The following LUC7L2 variants were observed in gnomAD, a reference collection of about 807,000 sequenced individuals.
LUC7L2 encodes putative RNA-binding protein Luc7-like 2.
LUC7L2 carries 25 observed loss-of-function variants against 52.8 expected under a neutral mutation model. The observed-to-expected ratio is 0.47, with a 90% CI of 0.34 to 0.66. The LOEUF is 0.66. Ranked by LOEUF, LUC7L2 falls within the 30% of genes least tolerant of loss-of-function variation. The pLI, the probability that LUC7L2 is intolerant of heterozygous loss-of-function variation, is 0.01. For missense variants in LUC7L2, 328 were observed against 497.8 expected (o/e 0.66, Z 3.25); for synonymous variants, 144 against 160.9 (o/e 0.89, Z 0.80).
chr7:139,417,381 T>G (rs963017394), intron 8 of LUC7L2, 157 bp from the exon 9 acceptor site: 3 of 959,136 alleles, frequency 3.1e-6, no homozygotes, highest in Non-Finnish European at 4.5e-6. Flanking sequence ...AGTATGTAGT[T>G]ATTAACACAC....
chr7:139,363,256 C>T, intron 1 of LUC7L2: 7 of 985,130 alleles, frequency 7.1e-6, no homozygotes, highest in Non-Finnish European at 8.4e-6. Context: ...AAGCAGGGTA[C>T]CGCGTGAGTT....
In LUC7L2 at chr7:139,422,489, AC is replaced by A. The variant is rs1585145453; in HGVS notation, c.*151del. Reference sequence around the variant, plus strand: ...CAGTATCTAACTTGATCTGAACTGAACCTGTTTTCCTTGATGATGCCTAAAA... The same window carrying A: ...CAGTATCTAACTTGATCTGAACTGAACTGTTTTCCTTGATGATGCCTAAAA... On this transcript the variant is annotated 3_prime_UTR_variant, in exon 10 of 10. Coordinates refer to ENST00000354926, the MANE Select transcript of LUC7L2 (RefSeq NM_016019.5). 10 of 1,342,764 alleles carry A rather than the reference AC, an allele frequency of 7.4e-6. No individual in the cohort carries two copies. In the East Asian group the frequency reaches 2.7e-4, roughly 36 times the overall value. The allele number at this position is 1,342,764 out of a possible 1,614,324, so 83.2% of individuals were successfully genotyped here. A position where few individuals can be genotyped will look rare whatever the true frequency, so the allele number is the denominator to read the frequency against.
chr7:139,359,556 G>T (rs1204952895), upstream of LUC7L2: 5 of 335,488 alleles, frequency 1.5e-5, no homozygotes, highest in Admixed American at 4.9e-5. Flanking sequence ...GATGGGCATG[G>T]TCTCTACTTA....
At chr7:139,409,526 T>C in intron 6 of LUC7L2, 37 bp from the exon 7 acceptor site, 1 of 1,573,680 alleles carries the variant, frequency 6.4e-7, no homozygotes, top group Non-Finnish European at 8.6e-7. Context: ...AAGAATGGAC[T>C]CAGTAAATAT....
At chr7:139,384,353 CCT>C (rs1165835233) in intron 2 of LUC7L2, among the ~76,000 whole-genome samples, 3 of 151,340 alleles carry the variant, frequency 2.0e-5, no homozygotes, top group Non-Finnish European at 3.0e-5. Context: ...GCAACCTCTG[CCT>C]CTCGGGTTCA....
chr7:139,354,851 TTGC>T (rs1432213089), intron 1 of LUC7L2, among the ~76,000 whole-genome samples: 1 of 122,706 alleles, frequency 8.1e-6, no homozygotes, highest in African/African-American at 4.5e-5. Context: ...ACAAAAATTC[TTGC>T]TGGACTTTTT....
intron 3 of LUC7L2, among the ~76,000 whole-genome samples, chr7:139,399,027 A>T (rs1794780710): frequency 6.6e-6 from 1 of 152,022 alleles, no homozygotes; most frequent in Admixed American, 6.6e-5. Flanking sequence ...TATCTTTAGT[A>T]ATATACTGAG....
At chr7:139,392,969 A>T (rs953281336) in intron 2 of LUC7L2, among the ~76,000 whole-genome samples, 11 of 150,480 alleles carry the variant, frequency 7.3e-5, no homozygotes, top group East Asian at 2.0e-4. Flanking sequence ...TTGTTAAATT[A>T]AAAAAAAAAT....
At chr7:139,380,219 C>G (rs1431296771) in intron 2 of LUC7L2, among the ~76,000 whole-genome samples, 2 of 151,996 alleles carry the variant, frequency 1.3e-5, no homozygotes, top group African/African-American at 4.8e-5. Flanking sequence ...TAAAACAGAA[C>G]AGAGGATCAA....
At chr7:139,400,240 T>C (rs2131279046) in intron 3 of LUC7L2, among the ~76,000 whole-genome samples, 1 of 152,104 alleles carries the variant, frequency 6.6e-6, no homozygotes, top group South Asian at 2.1e-4. Context: ...CCCAGCACTT[T>C]GGGAGGCTGT....
intron 8 of LUC7L2, among the ~76,000 whole-genome samples, chr7:139,415,054 GTT>G (rs1171809951): frequency 4.6e-4 from 25 of 54,178 alleles, no homozygotes; most frequent in African/African-American, 2.2e-3. Context: ...GCCCTGCTAA[GTT>G]TTTTTTTTTT....
intron 1 of LUC7L2, among the ~76,000 whole-genome samples, chr7:139,368,014 T>A (rs1240669658): frequency 1.3e-5 from 2 of 152,202 alleles, no homozygotes; most frequent in African/African-American, 4.8e-5. Context: ...GACTAAGCAG[T>A]CGATTCACGT....
At chr7:139,366,716 C>T (rs1280075790) in intron 1 of LUC7L2, among the ~76,000 whole-genome samples, 2 of 152,184 alleles carry the variant, frequency 1.3e-5, no homozygotes, top group African/African-American at 2.4e-5. Context: ...GCTTGTTGAT[C>T]ACCATTCTGG....
chr7:139,357,106 A>G (rs988196232), upstream of LUC7L2, among the ~76,000 whole-genome samples: 10 of 152,280 alleles, frequency 6.6e-5, no homozygotes, highest in African/African-American at 2.2e-4. Flanking sequence ...TACCTTAAGG[A>G]TACACATTAT....
At chr7:139,359,344 C>T (rs557292768), upstream of LUC7L2, 145 of 155,470 alleles carry the variant, frequency 9.3e-4, no homozygotes, top group Non-Finnish European at 1.6e-3. Flanking sequence ...GGCGCTTTCT[C>T]CTGAAGTTGA....
At chr7:139,415,573 C>CTTTT (rs376954972) in intron 8 of LUC7L2, among the ~76,000 whole-genome samples, 4 of 116,172 alleles carry the variant, frequency 3.4e-5, no homozygotes, top group South Asian at 2.8e-4. Flanking sequence ...GGAAATAACG[C>CTTTT]TTTTTTTTTT....
In LUC7L2 at chr7:139,407,248, C is replaced by G. The variant is rs1795171466; in HGVS notation, c.585C>G (p.Ala195=). The G allele has an allele frequency of 6.2e-7, 1 of 1,612,612 alleles. No homozygotes were observed. Residue 195 remains alanine (A), a synonymous_variant, in exon 6 of 10, where the codon GCC becomes GCG. Transcript: ENST00000354926. ...QKLRVCEVCS[A]YLGLHDNDRR... is the part of the protein sequence containing the mutation. ...TTCGAGTCTGTGAAGTCTGCTCTGC[C>G]TATTTAGGACTTCATGATAATGACA...
intron 2 of LUC7L2, among the ~76,000 whole-genome samples, chr7:139,398,077 TCA>T (rs1205753262): frequency 6.6e-6 from 1 of 152,154 alleles, no homozygotes; most frequent in Non-Finnish European, 1.5e-5. Flanking sequence ...TAGGCTGGTC[TCA>T]AATTCCTGGG....
At chr7:139,374,567 T>C (rs1800612946) in intron 1 of LUC7L2, 2 of 1,546,098 alleles carry the variant, frequency 1.3e-6, no homozygotes, top group Non-Finnish European at 1.7e-6. Flanking sequence ...ACTTTTATTA[T>C]AGTAGCAGGC....
Sources: allele counts gnomAD v4.1 joint callset (sites outside exome capture counted in the v4.1 genomes callset), GRCh38; gene constraint gnomAD v4.1.1; transcripts MANE v1.5; gene names NCBI Gene and HGNC (gene_info 2026-07-23, HGNC 2026-07-21).